The following RBFOX1 variants were observed in gnomAD, a reference collection of about 807,000 sequenced individuals.
RBFOX1 encodes the protein RNA binding protein fox-1 homolog 1.
Under a neutral mutation model 57.7 loss-of-function variants are expected in RBFOX1, and 8 were observed. The ratio of observed to expected loss-of-function variants is 0.14; its 90% CI spans 0.08 to 0.25. The LOEUF is 0.25. RBFOX1 is among the 10% of genes least tolerant of loss of function. RBFOX1 has a pLI of 1.00. For synonymous variants in RBFOX1, 326 were observed against 222.4 expected (o/e 1.47, Z -4.15); for missense variants, 611 against 548.5 (o/e 1.11, Z -1.14).
intron 2 of RBFOX1, among the ~76,000 whole-genome samples, chr16:6,331,398 G>C (rs554651501): frequency 6.6e-5 from 10 of 152,106 alleles, no homozygotes; most frequent in East Asian, 1.9e-4. Context: ...AGTGAGCCAA[G>C]TTCGCACCAC....
chr16:5,940,977 G>T (rs1287713610), intron 4 of RBFOX1, among the ~76,000 whole-genome samples: 1 of 152,186 alleles, frequency 6.6e-6, no homozygotes, highest in Non-Finnish European at 1.5e-5. Flanking sequence ...GACCTTCTGA[G>T]TCTGTTTCCT....
At chr16:6,816,587 A>G (rs567142820) in intron 3 of RBFOX1, among the ~76,000 whole-genome samples, 30 of 151,904 alleles carry the variant, frequency 2.0e-4, no homozygotes, top group African/African-American at 7.0e-4. Flanking sequence ...TAAAAATACA[A>G]AAATTAGCCA....
At chr16:5,398,110 A>G (rs1372763412) in intron 1 of RBFOX1, among the ~76,000 whole-genome samples, 1 of 152,228 alleles carries the variant, frequency 6.6e-6, no homozygotes, top group Admixed American at 6.5e-5. Context: ...GACGAAGACC[A>G]AGACCATCAA....
chr16:7,560,521 A>C (rs540841342), intron 5 of RBFOX1, among the ~76,000 whole-genome samples: 2 of 143,736 alleles, frequency 1.4e-5, no homozygotes, highest in Non-Finnish European at 3.0e-5. Context: ...TTGCATTTTT[A>C]TGTAGAGTAT....
At chr16:7,378,174 C>A (rs767433096) in intron 4 of RBFOX1, among the ~76,000 whole-genome samples, 4 of 152,162 alleles carry the variant, frequency 2.6e-5, no homozygotes, top group African/African-American at 7.2e-5. Context: ...TGAGCTTTAT[C>A]GTTGCTGAGC....
chr16:7,012,602 A>G (rs941208118), intron 3 of RBFOX1, among the ~76,000 whole-genome samples: 4 of 152,320 alleles, frequency 2.6e-5, no homozygotes, highest in Middle Eastern at 6.8e-3. Flanking sequence ...CTAACAAAAC[A>G]TTGGAACAGA....
intron 5 of RBFOX1, among the ~76,000 whole-genome samples, chr16:7,550,233 A>T (rs921689666): frequency 3.4e-5 from 5 of 146,310 alleles, no homozygotes; most frequent in East Asian, 4.0e-4. Flanking sequence ...CCTTCTCCTG[A>T]GTGAGTTCCT....
At chr16:6,468,301 T>C (rs1183277474) in intron 2 of RBFOX1, among the ~76,000 whole-genome samples, 5 of 152,146 alleles carry the variant, frequency 3.3e-5, no homozygotes, top group Non-Finnish European at 1.5e-5. Flanking sequence ...TACCCAGATA[T>C]GTTGGCAGAA....
chr16:5,892,024 T>C (rs549604025), intron 4 of RBFOX1, among the ~76,000 whole-genome samples: 1 of 152,348 alleles, frequency 6.6e-6, no homozygotes, highest in East Asian at 1.9e-4. Context: ...GTTCACTTAC[T>C]GAATCATTTC....
rs2059412960 is a variant in RBFOX1, at chr16:5,946,992, G to C, written c.351+79657G>C. 6.6e-6 allele frequency among the ~76,000 whole-genome samples: 1 copy of C among 152,148 alleles called. No homozygotes were observed. Among genetic ancestry groups the C allele is most frequent in the African/African-American group, 2.4e-5 (1 of 41,426 alleles). ...TTAGGGAGGCAGAAGTAGGAGGATT[G>C]CTTGAGGCCAGGAGTTTGAGACCAG... On this transcript the variant is annotated intron_variant, in intron 4 of 19. Coordinates refer to the RBFOX1 transcript ENST00000641259. This position sits in a 1 kb window ranked among gnomAD's most constrained non-coding sequence, Gnocchi z 4.6.
chr16:7,706,802 C>A (rs1172683123), intron 14 of RBFOX1, among the ~76,000 whole-genome samples: 1 of 152,138 alleles, frequency 6.6e-6, no homozygotes, highest in African/African-American at 2.4e-5. Flanking sequence ...AAATAAAGAG[C>A]AGTACCAAGG....
At chr16:6,096,824 T>A (rs1280036138) in intron 1 of RBFOX1, among the ~76,000 whole-genome samples, 1 of 152,214 alleles carries the variant, frequency 6.6e-6, no homozygotes, top group Non-Finnish European at 1.5e-5. Context: ...GCTCAAACTG[T>A]CATTCATTGG....
intron 5 of RBFOX1, among the ~76,000 whole-genome samples, chr16:7,567,232 TATATATATCC>T (rs796863446): frequency 4.5e-5 from 3 of 67,024 alleles, no homozygotes; most frequent in South Asian, 3.5e-4. Context: ...TATATCCCTA[TATATATATCC>T]ATATATCCCT....
At chr16:7,267,020 T>G (rs2095169818) in intron 4 of RBFOX1, among the ~76,000 whole-genome samples, 1 of 151,530 alleles carries the variant, frequency 6.6e-6, no homozygotes, top group Non-Finnish European at 1.5e-5. Flanking sequence ...TTCAAAAGGG[T>G]GAGCCAGCGG....
At chr16:7,471,669 C>A (rs1248126431) in intron 4 of RBFOX1, among the ~76,000 whole-genome samples, 1 of 152,156 alleles carries the variant, frequency 6.6e-6, no homozygotes, top group Admixed American at 6.5e-5. Context: ...GGGGGAGAAT[C>A]CAGAGATGTT....
intron 3 of RBFOX1, among the ~76,000 whole-genome samples, chr16:6,674,981 C>T (rs1317177505): frequency 1.3e-5 from 2 of 152,162 alleles, no homozygotes; most frequent in African/African-American, 4.8e-5. Flanking sequence ...TCTTGGCTCA[C>T]TGCAACCTCT....
At chr16:6,467,879 A>G (rs895895807) in intron 2 of RBFOX1, among the ~76,000 whole-genome samples, 3 of 152,220 alleles carry the variant, frequency 2.0e-5, no homozygotes, top group East Asian at 1.9e-4. Flanking sequence ...GAGTTTGATA[A>G]TGCAATCTAC....
intron 4 of RBFOX1, among the ~76,000 whole-genome samples, chr16:7,074,732 A>G (rs894396491): frequency 2.0e-5 from 3 of 152,212 alleles, no homozygotes; most frequent in Non-Finnish European, 4.4e-5. Context: ...ATGGGGAAAA[A>G]CAAGCAGTAT....
intron 1 of RBFOX1, among the ~76,000 whole-genome samples, chr16:6,068,216 C>T (rs1480576971): frequency 2.0e-5 from 3 of 152,144 alleles, no homozygotes; most frequent in Non-Finnish European, 2.9e-5. Context: ...GCTTGTGGTC[C>T]AGTGCAAGCT....
Sources: allele counts gnomAD v4.1 joint callset (sites outside exome capture counted in the v4.1 genomes callset), GRCh38; gene constraint gnomAD v4.1.1; non-coding constraint Gnocchi (gnomAD v3.1); transcripts MANE v1.5; gene names NCBI Gene and HGNC (gene_info 2026-07-23, HGNC 2026-07-21).